Variants in APP observed in about 807,000 individuals in gnomAD.
APP encodes the protein amyloid beta precursor protein, also known as amyloid-beta precursor protein.
In APP, 31 loss-of-function variants were observed where a neutral mutation model predicts 101.4. The ratio of observed to expected loss-of-function variants is 0.31; its 90% confidence interval spans 0.23 to 0.41. APP has a LOEUF of 0.41. APP is among the 10% of genes least tolerant of loss of function. APP has a pLI of 1.00. For synonymous variants in APP, 366 were observed against 364.4 expected (o/e 1.00, Z -0.05); for missense variants, 839 against 1,003.7 (o/e 0.84, Z 2.22).
intron 2 of APP, among the ~76,000 whole-genome samples, chr21:26,101,672 A>G (rs970231417): frequency 2.6e-5 from 4 of 152,098 alleles, no homozygotes; most frequent in African/African-American, 9.7e-5. Flanking sequence ...TCACACTATT[A>G]TTTTGTAATT....
intron 1 of APP, among the ~76,000 whole-genome samples, chr21:26,169,626 A>G (rs469420): frequency 0.62 from 94,742 of 152,264 alleles, 31,881 homozygotes; most frequent in African/African-American, 0.89. Flanking sequence ...CTCCGCCAGA[A>G]GCCCCGGCAG....
chr21:26,036,831 G>A (rs901511711), intron 5 of APP, among the ~76,000 whole-genome samples: 19 of 152,120 alleles, frequency 1.2e-4, no homozygotes. Flanking sequence ...TCCCACTACT[G>A]GGCATTTATC....
chr21:25,951,838 T>G (rs189769172), intron 13 of APP, among the ~76,000 whole-genome samples: 1 of 152,328 alleles, frequency 6.6e-6, no homozygotes, highest in East Asian at 1.9e-4. Context: ...TGGCCAATCT[T>G]GAAGTTTCAA....
rs1001102675 is a variant in APP, at chr21:25,970,439, A to G, written c.1458+4631T>C. 7.2e-5 allele frequency among the ~76,000 whole-genome samples: 11 copies of G among 152,216 alleles called. No individual in the cohort carries two copies. The East Asian group carries it at 1.3e-3, about 19-fold the overall frequency. ...CTGGAACGCTTCACAAGTTTCTGCT[A>G]TAAAGATTCTGGTCTCAGCACCCAC... On this transcript the variant is annotated intron_variant, in intron 11 of 17. Transcript: ENST00000346798.
chr21:25,979,499 CTA>C (rs2042344596), intron 9 of APP, among the ~76,000 whole-genome samples: 1 of 152,060 alleles, frequency 6.6e-6, no homozygotes, highest in Admixed American at 6.6e-5. Context: ...GCACCACAGA[CTA>C]TGAAGATACA....
At chr21:25,893,127 G>A (rs2146244247) in intron 16 of APP, among the ~76,000 whole-genome samples, 1 of 152,192 alleles carries the variant, frequency 6.6e-6, no homozygotes, top group Non-Finnish European at 1.5e-5. Context: ...AGTGGCCTTT[G>A]ATGTTACTAT....
intron 3 of APP, among the ~76,000 whole-genome samples, chr21:26,062,192 A>G (rs2046291365): frequency 6.6e-6 from 1 of 150,376 alleles, no homozygotes. Context: ...CATGGGTGAC[A>G]GAGCGAGACT....
chr21:25,970,488 G>A (rs573679276), intron 11 of APP, among the ~76,000 whole-genome samples: 3 of 152,122 alleles, frequency 2.0e-5, no homozygotes, highest in African/African-American at 7.2e-5. Context: ...TCTGGCAAAT[G>A]ATCACACGGC....
intron 13 of APP, among the ~76,000 whole-genome samples, chr21:25,940,466 A>G (rs966236982): frequency 6.6e-6 from 1 of 152,218 alleles, no homozygotes; most frequent in Non-Finnish European, 1.5e-5. Context: ...ATGACAAGGC[A>G]TAACAGATTT....
chr21:26,036,354 TG>T (rs2146844502), intron 5 of APP, among the ~76,000 whole-genome samples: 1 of 152,066 alleles, frequency 6.6e-6, no homozygotes, highest in Admixed American at 6.5e-5. Flanking sequence ...GAAATGACAG[TG>T]ACACACAGGT....
At chr21:25,910,214 G>A (rs1473347581) in intron 14 of APP, among the ~76,000 whole-genome samples, 1 of 144,316 alleles carries the variant, frequency 6.9e-6, no homozygotes, top group Non-Finnish European at 1.5e-5. Flanking sequence ...GGCCACGTCC[G>A]CCTCCCGGGT....
intron 3 of APP, among the ~76,000 whole-genome samples, chr21:26,065,951 A>G (rs570370802): frequency 2.0e-5 from 3 of 152,164 alleles, no homozygotes; most frequent in South Asian, 4.2e-4. Flanking sequence ...GATCCTGATC[A>G]GTCTGCAGAT....
chr21:26,004,068 G>A lies in APP; in HGVS notation c.866-3886C>T, dbSNP rs554760237. 7.8e-3 allele frequency among the ~76,000 whole-genome samples: 1,189 copies of A among 152,260 alleles called. 16 individuals are homozygous for A. The highest frequency in any genetic ancestry group is 0.018 in the South Asian group (85 of 4,824). On this transcript the variant is annotated intron_variant, in intron 6 of 17. Transcript: ENST00000346798. ...ACTCTGGGAGAAGCTGGGACTGAGG[G>A]TAGGGTCAGCACCAGCGATGTATGA... is the stretch of plus-strand genomic sequence containing the variant.
chr21:26,088,396 C>A (rs980238343), intron 3 of APP, among the ~76,000 whole-genome samples: 1 of 152,094 alleles, frequency 6.6e-6, no homozygotes, highest in Non-Finnish European at 1.5e-5. Flanking sequence ...GAGTGTCATA[C>A]CAGGAGCAAT....
In APP at chr21:25,891,955, C is replaced by A. The variant is rs528414329; in HGVS notation, c.2065-87G>T. 44 of 1,355,182 alleles carry A rather than the reference C, an allele frequency of 3.2e-5. No homozygotes were observed. The African/African-American group carries it at 6.0e-4, about 19-fold the overall frequency. 83.9% of individuals were successfully genotyped at this position (1,355,182 alleles called of 1,614,324 possible). ...AAACGCAATTAGAAGAATTTCATTT[C>A]TTAAATGCAGGGGACATTTGGATGA... On this transcript the variant is annotated intron_variant, in intron 16 of 17. Coordinates refer to ENST00000346798, the MANE Select transcript of APP (RefSeq NM_000484.4).
At chr21:26,144,971 C>A (rs534950090) in intron 1 of APP, among the ~76,000 whole-genome samples, 50 of 152,258 alleles carry the variant, frequency 3.3e-4, no homozygotes, top group African/African-American at 1.2e-3. Context: ...CTGAAATGAC[C>A]TAGTTTTATA....
intron 17 of APP, 83 bp downstream of exon 17, chr21:25,891,639 T>A: frequency 7.5e-7 from 1 of 1,336,452 alleles, no homozygotes; most frequent in Non-Finnish European, 1.1e-6. Context: ...AAGAGATACT[T>A]AGCTAGTTCT....
chr21:25,945,959 G>T (rs1166617347), intron 13 of APP: 39 of 454,588 alleles, frequency 8.6e-5, no homozygotes, highest in Non-Finnish European at 1.6e-4. Flanking sequence ...TGGAATTACA[G>T]GCATGAGCCA....
intron 1 of APP, among the ~76,000 whole-genome samples, chr21:26,149,915 C>T (rs1440992034): frequency 6.6e-6 from 1 of 152,188 alleles, no homozygotes; most frequent in Non-Finnish European, 1.5e-5. Context: ...CATGCTCCCA[C>T]CTCACAGCCT....
Sources: allele counts gnomAD v4.1 joint callset (sites outside exome capture counted in the v4.1 genomes callset), GRCh38; gene constraint gnomAD v4.1.1; transcripts MANE v1.5; gene names NCBI Gene and HGNC (gene_info 2026-07-23, HGNC 2026-07-21).